Variants in ABCA3 observed in about 807,000 individuals in gnomAD.
ABCA3 encodes the protein ATP binding cassette subfamily A member 3, also known as phospholipid-transporting ATPase ABCA3.
Under a neutral mutation model 172.8 loss-of-function variants are expected in ABCA3, and 88 were observed. That is an observed-to-expected ratio of 0.51 (90% CI 0.43 to 0.61). The LOEUF is 0.61. Ranked by LOEUF, ABCA3 falls within the 20% of genes least tolerant of loss-of-function variation. The probability of loss-of-function intolerance (pLI) is 0.00; values close to 1 mark genes in which losing one functional copy is unlikely to be tolerated. For synonymous variants in ABCA3, 1,066 were observed against 983.8 expected (o/e 1.08, Z -1.56); for missense variants, 2,164 against 2,301.0 (o/e 0.94, Z 1.22).
At chr16:2,328,996 C>CTT (rs11342708) in intron 2 of ABCA3, among the ~76,000 whole-genome samples, 3,237 of 134,312 alleles carry the variant, frequency 0.024, 131 homozygotes, top group African/African-American at 0.081. Flanking sequence ...AAAACTCTTG[C>CTT]TTTTTTTTTT....
chr16:2,294,000 TTTTC>T (rs938471482), intron 18 of ABCA3, among the ~76,000 whole-genome samples: 10 of 151,350 alleles, frequency 6.6e-5, no homozygotes, highest in South Asian at 4.2e-4. Context: ...TTCCCTGGTT[TTTTC>T]TTTCTTTTTT....
intron 1 of ABCA3, among the ~76,000 whole-genome samples, chr16:2,336,212 A>G (rs1049728545): frequency 1.3e-5 from 2 of 152,186 alleles, no homozygotes; most frequent in Admixed American, 1.3e-4. Flanking sequence ...CTATATGAAC[A>G]TTTACACCCG....
Position 2,284,559 on chromosome 16 carries a change from C to T in ABCA3, c.3704-122G>A, listed in dbSNP as rs982487535. Reference sequence around the variant, plus strand: ...CTGTGTGGAGTGAGGGGGCACCTCCCAGGGACGCCCCTGCCGGCTCTGCAC... The same window carrying T: ...CTGTGTGGAGTGAGGGGGCACCTCCTAGGGACGCCCCTGCCGGCTCTGCAC... On this transcript the variant is annotated intron_variant, in intron 24 of 32. Transcript: ENST00000301732. The surrounding 1 kb of genome is among the most constrained non-coding windows in gnomAD (Gnocchi z 5.9). The T allele has an allele frequency of 2.8e-6, 4 of 1,425,460 alleles. No individual in the cohort carries two copies. The highest frequency in any genetic ancestry group is 1.8e-5 in the Admixed American group (1 of 57,102). The allele number at this position is 1,425,460 out of a possible 1,614,324, so 88.3% of individuals were successfully genotyped here. A position where few individuals can be genotyped will look rare whatever the true frequency, so the allele number is the denominator to read the frequency against.
In ABCA3 at chr16:2,286,730, C is replaced by T. The variant is rs565777051; in HGVS notation, c.3242G>A (p.Arg1081Gln). ...GTCCTTGGCAGCCTGCAGGGCGCTC[C>T]GGGGCTGGGGGAAGTTGGAGACCAC... Reference protein sequence around the residue: ...SIVVSNFPQPRSALQAAKDQF... With the variant: ...SIVVSNFPQPQSALQAAKDQF... Residue 1081 changes from arginine to glutamine, a missense_variant, in exon 22 of 33, where the codon CGG becomes CAG. Around this residue, in one of 3 missense-constraint regions of ABCA3, gnomAD observed 795 missense variants for 881.9 expected, o/e 0.90. Transcript: ENST00000301732. The surrounding 1 kb of genome is among the most constrained non-coding windows in gnomAD (Gnocchi z 5.2). 39 of 1,613,734 alleles carry T rather than the reference C, an allele frequency of 2.4e-5. No homozygotes were observed. Among genetic ancestry groups the T allele is most frequent in the African/African-American group, 2.7e-5 (2 of 75,008 alleles).
In ABCA3 at chr16:2,297,363, G is replaced by A; in HGVS notation, c.2229C>T (p.Cys743=). 6.2e-7 allele frequency: 1 copy of A among 1,612,816 alleles called. No individual in the cohort carries two copies. Among genetic ancestry groups the A allele is most frequent in the South Asian group, 1.1e-5 (1 of 91,054 alleles). The change falls in exon 17 of 33, where the codon TGC becomes TGT. Residue 743 remains cysteine, a synonymous_variant. Transcript: ENST00000301732. The surrounding 1 kb of genome is among the most constrained non-coding windows in gnomAD (Gnocchi z 5.6). ...IAIMAKGELQ[C]CGSSLFLKQK... ...GCTTGAGGAACAGCGAGGACCCGCA[G>A]CACTGCAGCTCCCCCTTGGCCATGA... is the stretch of plus-strand genomic sequence containing the variant.
At position 2,319,604 on chromosome 16, in the gene ABCA3, G is replaced by C. The variant is rs756234042; in HGVS notation, c.850C>G (p.Gln284Glu). 1 of 1,612,798 alleles carries C rather than the reference G, an allele frequency of 6.2e-7. No individual in the cohort carries two copies. Among genetic ancestry groups the C allele is most frequent in the Non-Finnish European group, 8.5e-7 (1 of 1,180,008 alleles). Reference protein sequence around the residue: ...TALTIARAVVQEKERRLKEYM... With the variant: ...TALTIARAVVEEKERRLKEYM... Reference sequence around the variant, plus strand: ...ACCTTCAGCCTCCTTTCCTTCTCCTGCACGACAGCACGGGCAATGGTGAGC... The same window carrying C: ...ACCTTCAGCCTCCTTTCCTTCTCCTCCACGACAGCACGGGCAATGGTGAGC... Residue 284 changes from glutamine (Q) to glutamate (E), a missense_variant, in exon 8 of 33, where the codon CAG becomes GAG. Physicochemically the swap from Gln to Glu is conservative, Grantham distance 29. Transcript: ENST00000301732.
intron 18 of ABCA3, 31 bp downstream of exon 18, chr16:2,295,559 T>C (rs1279124519): frequency 1.9e-6 from 3 of 1,607,920 alleles, no homozygotes; most frequent in Non-Finnish European, 1.7e-6. Flanking sequence ...CTTGGATGTA[T>C]ACCTGTGCGT....
At chr16:2,331,577 C>CACT (rs1276090761) in intron 1 of ABCA3, among the ~76,000 whole-genome samples, 1 of 152,258 alleles carries the variant, frequency 6.6e-6, no homozygotes, top group Non-Finnish European at 1.5e-5. Flanking sequence ...TCTCACTGAA[C>CACT]ACTACGCTTG....
At position 2,284,247 on chromosome 16, in the gene ABCA3, G is replaced by A; in HGVS notation, c.3862+32C>T. Reference sequence around the variant, plus strand: ...GTGACCACGTCCTGAGGACGCAGGGGTGCTGCCCGGGGTCGGGGCTGGGAC... The same window carrying A: ...GTGACCACGTCCTGAGGACGCAGGGATGCTGCCCGGGGTCGGGGCTGGGAC... On this transcript the variant is annotated intron_variant, in intron 25 of 32. Transcript: ENST00000301732. This position sits in a 1 kb window ranked among gnomAD's most constrained non-coding sequence, Gnocchi z 5.9. 6.2e-7 allele frequency: 1 copy of A among 1,604,452 alleles called. No individual in the cohort carries two copies. The highest frequency in any genetic ancestry group is 2.2e-5 in the East Asian group (1 of 44,710).
chr16:2,303,903 G>A, intron 12 of ABCA3, 66 bp downstream of exon 12: 5 of 1,570,922 alleles, frequency 3.2e-6, no homozygotes, highest in Admixed American at 3.4e-5. Flanking sequence ...GGGTCCCTGA[G>A]CAGGTACTGG....
At position 2,297,307 on chromosome 16, in the gene ABCA3, G is replaced by A. The variant is rs149389899; in HGVS notation, c.2263+22C>T. On this transcript the variant is annotated intron_variant, in intron 17 of 32. Coordinates refer to ENST00000301732, the MANE Select transcript of ABCA3 (RefSeq NM_001089.3). The surrounding 1 kb of genome is among the most constrained non-coding windows in gnomAD (Gnocchi z 5.6). ...CGGCAGCCAGGACACCGACCCTGTC[G>A]CGGGCTGGCCCCACCGCTCACCGTA... The A allele has an allele frequency of 1.0e-3, 1,662 of 1,607,226 alleles. 12 individuals carry two copies. In the African/African-American group the frequency reaches 0.019, roughly 19 times the overall value.
intron 1 of ABCA3, among the ~76,000 whole-genome samples, chr16:2,334,582 G>A (rs1314946301): frequency 4.7e-5 from 7 of 150,454 alleles, no homozygotes; most frequent in Non-Finnish European, 1.0e-4. Flanking sequence ...CCCGATCTTG[G>A]CTCAATGCAA....
In ABCA3 at chr16:2,281,432, G is replaced by T. The variant is rs2093654967; in HGVS notation, c.4113C>A (p.Pro1371=). The T allele has an allele frequency of 6.2e-7, 1 of 1,612,474 alleles. No individual in the cohort carries two copies. Among genetic ancestry groups the T allele is most frequent in the Admixed American group, 1.7e-5 (1 of 59,970 alleles). ...VADERTRILA[P]SPDSLLHTPL... ...GTGTGTGGAGCAGGGAGTCCGGACTGGGGGCCAGGATGCGGGTCCTCTCGT... is the reference window on the plus strand; with the variant it reads ...GTGTGTGGAGCAGGGAGTCCGGACTTGGGGCCAGGATGCGGGTCCTCTCGT... The change falls in exon 27 of 33, where the codon CCC becomes CCA. Residue 1371 remains proline (P), a synonymous_variant. Coordinates refer to ENST00000301732, the MANE Select transcript of ABCA3 (RefSeq NM_001089.3). The surrounding 1 kb of genome is among the most constrained non-coding windows in gnomAD (Gnocchi z 4.7).
chr16:2,331,639 C>T (rs2093743385), intron 1 of ABCA3, among the ~76,000 whole-genome samples: 2 of 152,372 alleles, frequency 1.3e-5, no homozygotes, highest in African/African-American at 2.4e-5. Flanking sequence ...CCTAGAATTA[C>T]AAAATCTGGC....
intron 18 of ABCA3, 118 bp from the exon 19 acceptor site, chr16:2,292,356 T>C (rs1003519628): frequency 4.8e-6 from 4 of 827,142 alleles, no homozygotes; most frequent in Non-Finnish European, 8.0e-6. Context: ...CCCCAGCACT[T>C]TGGGACGCCA....
intron 18 of ABCA3, 99 bp from the exon 19 acceptor site, chr16:2,292,337 C>T (rs1474430017): frequency 2.0e-6 from 2 of 989,714 alleles, no homozygotes; most frequent in East Asian, 5.1e-5. Flanking sequence ...CAGTGCCTCA[C>T]ACCTGTAACC....
intron 3 of ABCA3, among the ~76,000 whole-genome samples, chr16:2,328,037 C>T (rs2093737119): frequency 6.6e-6 from 1 of 152,058 alleles, no homozygotes; most frequent in Admixed American, 6.6e-5. Context: ...TTCATCTTTA[C>T]CATCTGTCCA....
intron 3 of ABCA3, among the ~76,000 whole-genome samples, chr16:2,327,409 C>T (rs951737207): frequency 1.1e-4 from 16 of 152,338 alleles, no homozygotes; most frequent in Admixed American, 8.5e-4. Flanking sequence ...AATATTCAGG[C>T]TTATGGAATT....
Position 2,323,587 on chromosome 16 carries a change from G to C in ABCA3, c.549C>G (p.Ser183=). The C allele has an allele frequency of 6.2e-7, 1 of 1,614,166 alleles. No homozygotes were observed. Among genetic ancestry groups the C allele is most frequent in the Non-Finnish European group, 8.5e-7 (1 of 1,180,026 alleles). ...LKETEGWHTT[S]LFPLFPNPGP... ...CTGGGTTTGGGAAAAGCGGGAAAAG[G>C]GAAGTAGTGTGCCAGCCTTCTGTCT... is the stretch of plus-strand genomic sequence containing the variant. The change falls in exon 7 of 33, where the codon TCC becomes TCG. Residue 183 remains serine (S), a synonymous_variant. Transcript: ENST00000301732.
Sources: allele counts gnomAD v4.1 joint callset (sites outside exome capture counted in the v4.1 genomes callset), GRCh38; gene constraint gnomAD v4.1.1; regional missense constraint gnomAD v4.1.1; non-coding constraint Gnocchi (gnomAD v3.1); transcripts MANE v1.5; gene names NCBI Gene and HGNC (gene_info 2026-07-23, HGNC 2026-07-21).